The following CSMD2 variants were observed in gnomAD, a reference collection of about 807,000 sequenced individuals.
CSMD2 encodes CUB and Sushi multiple domains 2, also known as CUB and sushi domain-containing protein 2.
CSMD2 carries 130 observed loss-of-function variants against 398.5 expected under a neutral mutation model. The ratio of observed to expected loss-of-function variants is 0.33; its 90% confidence interval spans 0.28 to 0.38. The LOEUF (loss-of-function observed/expected upper bound fraction) is 0.38. Ranked by LOEUF, CSMD2 falls within the 10% of genes least tolerant of loss-of-function variation. The pLI is 1.00. For missense variants in CSMD2, 3,829 were observed against 4,764.9 expected, an observed-to-expected ratio of 0.80 and a Z score of 5.78; for synonymous variants, 1,828 against 1,908.5, an observed-to-expected ratio of 0.96 and a Z score of 1.10.
chr1:33,749,186 C>T (rs183780075), intron 13 of CSMD2, among the ~76,000 whole-genome samples: 60 of 150,756 alleles, frequency 4.0e-4, no homozygotes, highest in African/African-American at 1.3e-3. Context: ...CAGGCTCCAC[C>T]CCCCCAGGTT....
At chr1:33,977,670 CCTGCTG>C (rs1273250637) in intron 3 of CSMD2, among the ~76,000 whole-genome samples, 1 of 151,888 alleles carries the variant, frequency 6.6e-6, no homozygotes, top group African/African-American at 2.4e-5. Context: ...AGCTCCTGCT[CCTGCTG>C]CTGCCTCTGC....
chr1:33,714,796 C>T, intron 20 of CSMD2, 21 bp from the exon 21 acceptor site: 7 of 1,612,274 alleles, frequency 4.3e-6, no homozygotes, highest in Non-Finnish European at 5.9e-6. Flanking sequence ...AGCAGGAGAT[C>T]CGGGCTCAGA....
rs958415422 is a variant in CSMD2, at chr1:33,757,898, G to T, written c.1847-14292C>A. On this transcript the variant is annotated intron_variant, in intron 13 of 70. Coordinates refer to ENST00000373381, the MANE Select transcript of CSMD2 (RefSeq NM_001281956.2). ...ATTAAGTGGAGGCCCTCTTTCTACTGCCAGAGTCTACCTGGTGTCCTATTT... is the reference window on the plus strand; with the variant it reads ...ATTAAGTGGAGGCCCTCTTTCTACTTCCAGAGTCTACCTGGTGTCCTATTT... Among the ~76,000 whole-genome samples the T allele has an allele frequency of 2.6e-5, 4 of 152,138 alleles. No homozygotes were observed. The East Asian group carries it at 7.7e-4, about 29-fold the overall frequency.
At chr1:33,914,556 G>A (rs1379028841) in intron 5 of CSMD2, among the ~76,000 whole-genome samples, 1 of 152,156 alleles carries the variant, frequency 6.6e-6, no homozygotes, top group African/African-American at 2.4e-5. Flanking sequence ...TTAACTTTTA[G>A]GGGGAGTAAG....
At chr1:33,776,317 T>A (rs1651958578) in intron 12 of CSMD2, among the ~76,000 whole-genome samples, 1 of 152,142 alleles carries the variant, frequency 6.6e-6, no homozygotes, top group South Asian at 2.1e-4. Flanking sequence ...GTGAGGGATG[T>A]CCTTCCCTCA....
chr1:33,637,798 C>G (rs1642892485), intron 29 of CSMD2, among the ~76,000 whole-genome samples: 1 of 152,066 alleles, frequency 6.6e-6, no homozygotes, highest in African/African-American at 2.4e-5. Context: ...TGCAGAAGGA[C>G]TCAGAAATTC....
chr1:33,584,663 C>T (rs1222058944), intron 46 of CSMD2, among the ~76,000 whole-genome samples: 3 of 78,248 alleles, frequency 3.8e-5, no homozygotes, highest in Non-Finnish European at 8.0e-5. Context: ...GAGACTCCAT[C>T]TCAAAAAAAA....
chr1:33,718,482 C>G (rs564868525), intron 19 of CSMD2, among the ~76,000 whole-genome samples: 150 of 152,266 alleles, frequency 9.9e-4, no homozygotes, highest in Non-Finnish European at 2.0e-3. Flanking sequence ...AGTGAGTATC[C>G]TATTGGGACT....
chr1:33,989,820 C>G (rs1646487719), intron 3 of CSMD2, among the ~76,000 whole-genome samples: 1 of 152,128 alleles, frequency 6.6e-6, no homozygotes. Context: ...GAAAGCAGAT[C>G]AGTTACCTGC....
chr1:34,110,129 CA>C (rs2148439801), intron 1 of CSMD2, among the ~76,000 whole-genome samples: 1 of 148,630 alleles, frequency 6.7e-6, no homozygotes, highest in African/African-American at 2.5e-5. Context: ...AAATGCAAAT[CA>C]AAATCACAAT....
In CSMD2 at chr1:33,807,424, C is replaced by A. The variant is rs113051979; in HGVS notation, c.1446+3319G>T. 9.4e-3 allele frequency among the ~76,000 whole-genome samples: 1,424 copies of A among 152,174 alleles called. 26 individuals are homozygous for A. The highest frequency in any genetic ancestry group is 0.033 in the African/African-American group (1,351 of 41,530). Reference sequence around the variant, plus strand: ...AAATTGAAATTATTTTTTAAAAAGACAAACAAGAACTAATAGAGTTTATCA... The same window carrying A: ...AAATTGAAATTATTTTTTAAAAAGAAAAACAAGAACTAATAGAGTTTATCA... On this transcript the variant is annotated intron_variant, in intron 10 of 70. Transcript: ENST00000373381.
At chr1:33,631,819 T>C (rs1173158313) in intron 32 of CSMD2, among the ~76,000 whole-genome samples, 1 of 152,132 alleles carries the variant, frequency 6.6e-6, no homozygotes, top group African/African-American at 2.4e-5. Flanking sequence ...TGATGCAATG[T>C]TTTAAACTTA....
chr1:33,582,521 G>A (rs111301859), intron 47 of CSMD2, among the ~76,000 whole-genome samples: 18 of 152,208 alleles, frequency 1.2e-4, no homozygotes, highest in African/African-American at 4.1e-4. Context: ...AAAAGACCCC[G>A]CACAATGACA....
Position 33,864,712 on chromosome 1 carries a change from C to T in CSMD2, c.921-17716G>A, listed in dbSNP as rs772367948. The stretch of plus-strand genomic sequence containing the variant: ...GCCAGGAAGAAGTACCGAATGTCAG[C>T]TAGAAACCGGTGCAGAGGGAAAAGA... On this transcript the variant is annotated intron_variant, in intron 5 of 70. Coordinates refer to ENST00000373381, the MANE Select transcript of CSMD2 (RefSeq NM_001281956.2). 3 of 1,612,786 alleles carry T rather than the reference C, an allele frequency of 1.9e-6. No individual in the cohort carries two copies. In the East Asian group the frequency reaches 6.7e-5, roughly 36 times the overall value.
chr1:34,006,437 C>A (rs1275913736), intron 3 of CSMD2, among the ~76,000 whole-genome samples: 2 of 152,102 alleles, frequency 1.3e-5, no homozygotes, highest in Admixed American at 1.3e-4. Flanking sequence ...CATTACCTGA[C>A]CCTCTCACCA....
chr1:33,910,381 A>AC, intron 5 of CSMD2, among the ~76,000 whole-genome samples: 1 of 151,864 alleles, frequency 6.6e-6, no homozygotes, highest in Non-Finnish European at 1.5e-5. Flanking sequence ...GCAAAATCTT[A>AC]CCCCTCAGTT....
chr1:34,082,838 G>C (rs1208821785), intron 2 of CSMD2, among the ~76,000 whole-genome samples: 1 of 152,124 alleles, frequency 6.6e-6, no homozygotes, highest in Middle Eastern at 3.2e-3. Flanking sequence ...GGCGGTGCAA[G>C]ATGTGCTTTG....
chr1:33,977,584 G>A (rs1646014078), intron 3 of CSMD2, among the ~76,000 whole-genome samples: 1 of 151,924 alleles, frequency 6.6e-6, no homozygotes, highest in Non-Finnish European at 1.5e-5. Flanking sequence ...GACACCCCAT[G>A]ACCAATCCCC....
At chr1:34,153,652 C>A (rs1442694210) in intron 1 of CSMD2, among the ~76,000 whole-genome samples, 1 of 152,214 alleles carries the variant, frequency 6.6e-6, no homozygotes, top group Non-Finnish European at 1.5e-5. Flanking sequence ...GGTATAGCAT[C>A]CATCCATTAA....
Sources: gnomAD v4.1 joint callset for allele counts (sites outside exome capture counted in the v4.1 genomes callset) on GRCh38, gnomAD v4.1.1 for gene constraint, MANE v1.5 for transcripts, NCBI Gene and HGNC (gene_info 2026-07-23, HGNC 2026-07-21) for gene names.